TRPA1: variants seen among roughly 807,000 people sequenced by gnomAD.
TRPA1 encodes the protein transient receptor potential cation channel subfamily A member 1, also known as ankyrin-like with transmembrane domains 1.
A neutral mutation model predicts 131.3 loss-of-function variants in TRPA1; 129 were observed. That is an observed-to-expected ratio of 0.98 (90% CI 0.85 to 1.14). TRPA1 has a LOEUF of 1.14. Among genes scored for constraint, TRPA1 ranks in the 50% most tolerant of loss-of-function variants. The probability of loss-of-function intolerance (pLI) is 0.00; values close to 1 mark genes in which losing one functional copy is unlikely to be tolerated. For synonymous variants in TRPA1, 441 were observed against 451.7 expected, an observed-to-expected ratio of 0.98 and a Z score of 0.30; for missense variants, 1,304 against 1,354.2, an observed-to-expected ratio of 0.96 and a Z score of 0.58.
At position 72,038,039 on chromosome 8, in the gene TRPA1, C is replaced by T. The variant is rs1180653718; in HGVS notation, c.2329G>A (p.Val777Met). The T allele has an allele frequency of 6.3e-7, 1 of 1,597,694 alleles. No individual in the cohort carries two copies. Among genetic ancestry groups the T allele is most frequent in the South Asian group, 1.1e-5 (1 of 90,392 alleles). The change falls in exon 20 of 27, where the codon GTG becomes ATG. Residue 777 changes from valine (V) to methionine (M), a missense_variant. Val to Met is a conservative substitution (Grantham distance 21). Coordinates refer to ENST00000262209, the MANE Select transcript of TRPA1 (RefSeq NM_007332.3). ...SYLIKTCMIL[V>M]FLSSIFGYCK... ...TACCCAAATATACTTGATAAAAACA[C>T]TAAAATCATACAAGTTTTTATTAGA...
chr8:72,035,072 C>G lies in TRPA1; in HGVS notation c.2556-695G>C, dbSNP rs77931543. Among the ~76,000 whole-genome samples, 659 of 152,298 alleles carry G rather than the reference C, an allele frequency of 4.3e-3. 2 individuals carry two copies. The highest frequency in any genetic ancestry group is 9.1e-3 in the South Asian group (44 of 4,830). On this transcript the variant is annotated intron_variant, in intron 21 of 26. Coordinates refer to ENST00000262209, the MANE Select transcript of TRPA1 (RefSeq NM_007332.3). ...GATTTGCATTTTATCCTCACCATCT[C>G]CTTCGGTTTTCTTTTCTACCCCCTG...
intron 8 of TRPA1, 137 bp downstream of exon 8, chr8:72,059,253 A>G (rs1805748249): frequency 1.6e-6 from 1 of 630,332 alleles, no homozygotes; most frequent in African/African-American, 1.9e-5. Context: ...AAGTATGTCA[A>G]TCATCATTTT....
At chr8:72,077,531 C>G (rs1376217151), upstream of TRPA1, among the ~76,000 whole-genome samples, 1 of 151,968 alleles carries the variant, frequency 6.6e-6, no homozygotes, top group South Asian at 2.1e-4. Context: ...GATTTTTTTC[C>G]TGCTTTCTGC....
At chr8:72,074,315 G>A (rs541814890) in intron 1 of TRPA1, among the ~76,000 whole-genome samples, 2 of 152,322 alleles carry the variant, frequency 1.3e-5, no homozygotes, top group Admixed American at 6.5e-5. Flanking sequence ...AAATCTACAA[G>A]TGCCAATTTG....
chr8:72,039,682 T>G, intron 18 of TRPA1, 45 bp downstream of exon 18: 1 of 1,184,144 alleles, frequency 8.4e-7, no homozygotes, highest in Admixed American at 1.7e-5. Context: ...TTGTAATAGA[T>G]CCAATAGACA....
intron 17 of TRPA1, among the ~76,000 whole-genome samples, chr8:72,043,199 A>T (rs1319062350): frequency 6.6e-6 from 1 of 151,800 alleles, no homozygotes. Context: ...TAGTATCATC[A>T]TTGCTTACTT....
rs1811434836 is a variant in TRPA1, at chr8:72,022,619, T to C, written c.*287A>G. The C allele has an allele frequency of 2.0e-6, 1 of 490,718 alleles. No individual in the cohort carries two copies. The allele number at this position is 490,718 out of a possible 1,614,324, so 30.4% of individuals were successfully genotyped here. ...TTATTACTTCTTTTCATTAAAAATG[T>C]GTGTTCTAGCAAATTCATTTTCTAC... On this transcript the variant is annotated 3_prime_UTR_variant, in exon 27 of 27. Coordinates refer to ENST00000262209, the MANE Select transcript of TRPA1 (RefSeq NM_007332.3).
chr8:72,084,567 T>A, the TRPA1 span, among the ~76,000 whole-genome samples: 1 of 151,932 alleles, frequency 6.6e-6, no homozygotes, highest in African/African-American at 2.4e-5. Context: ...GAGAATTGAT[T>A]TTGAAGTTTT....
chr8:72,069,504 T>A (rs1806008590), intron 2 of TRPA1, among the ~76,000 whole-genome samples: 1 of 152,170 alleles, frequency 6.6e-6, no homozygotes, highest in Non-Finnish European at 1.5e-5. Flanking sequence ...AATAAAATAT[T>A]GGGATTATAT....
At chr8:72,053,433 C>A (rs1000227712) in intron 13 of TRPA1, 4 of 387,982 alleles carry the variant, frequency 1.0e-5, no homozygotes, top group Non-Finnish European at 2.0e-5. Context: ...TAACACTTAT[C>A]TTAATGAAAA....
chr8:72,048,665 T>C (rs183167968), intron 15 of TRPA1, among the ~76,000 whole-genome samples: 212 of 152,266 alleles, frequency 1.4e-3, no homozygotes, highest in African/African-American at 4.9e-3. Context: ...AAATGTTGTA[T>C]AAGTATTTCA....
At chr8:72,081,689 A>G in the TRPA1 span, among the ~76,000 whole-genome samples, 1 of 151,812 alleles carries the variant, frequency 6.6e-6, no homozygotes, top group Non-Finnish European at 1.5e-5. Context: ...TCTTAGATGC[A>G]TACTTATAAT....
upstream of TRPA1, among the ~76,000 whole-genome samples, chr8:72,075,854 A>ATGTGTG (rs1283812692): frequency 1.2e-5 from 1 of 83,254 alleles, no homozygotes; most frequent in African/African-American, 4.5e-5. Context: ...CCAACCTTGC[A>ATGTGTG]TGTGAGTGTG....
At position 72,056,972 on chromosome 8, in the gene TRPA1, T is replaced by G; in HGVS notation, c.1139A>C (p.His380Pro). The G allele has an allele frequency of 6.2e-7, 1 of 1,609,818 alleles. No homozygotes were observed. Among genetic ancestry groups the G allele is most frequent in the Non-Finnish European group, 8.5e-7 (1 of 1,178,188 alleles). Residue 380 changes from histidine (H) to proline (P), a missense_variant, in exon 10 of 27, where the codon CAT (histidine) becomes CCT (proline). His to Pro is a moderately conservative substitution (Grantham distance 77). Transcript: ENST00000262209. ...IKDNFGRNFL[H>P]LTVQQPYGLK... ...TCCATAAGGTTGCTGTACAGTTAAA[T>G]GCAGAAAATTACGTCCAAAATTATC...
upstream of TRPA1, among the ~76,000 whole-genome samples, chr8:72,077,837 A>T (rs1806218963): frequency 6.6e-6 from 1 of 152,128 alleles, no homozygotes; most frequent in African/African-American, 2.4e-5. Flanking sequence ...ATTTCATTTG[A>T]AGTTTATTGA....
In TRPA1 at chr8:72,061,691, G is replaced by A. The variant is rs141174965; in HGVS notation, c.878C>T (p.Ser293Leu). 55 of 1,613,906 alleles carry A rather than the reference G, an allele frequency of 3.4e-5. 1 individual carries two copies. The highest frequency in any genetic ancestry group is 3.3e-4 in the Middle Eastern group (2 of 6,082). The change falls in exon 7 of 27, where the codon TCG becomes TTG. Residue 293 changes from serine to leucine, a missense_variant. Physicochemically the swap from Ser to Leu is moderately radical, Grantham distance 145. Transcript: ENST00000262209. ...AATATCCACGCTACCAGAATAGGAC[G>A]ATATCATCAGTTTAACAATCTCAGT... ...GATEIVKLMI[S>L]SYSGSVDIVN... is the part of the protein sequence containing the mutation.
chr8:72,042,146 A>G (rs71517470), intron 17 of TRPA1, among the ~76,000 whole-genome samples: 12,925 of 151,906 alleles, frequency 0.085, 630 homozygotes, highest in Middle Eastern at 0.12. Context: ...TAAATCATAT[A>G]TCTTATAAGG....
chr8:72,023,995 C>A (rs904192527), intron 25 of TRPA1, 84 bp from the exon 26 acceptor site: 5 of 887,948 alleles, frequency 5.6e-6, no homozygotes, highest in Non-Finnish European at 9.6e-6. Context: ...TCAACCACCA[C>A]TGGTACCAAT....
rs1246953251 is a variant in TRPA1 at position 72,021,889 on chromosome 8, T to C, written c.*1017A>G. 1 of 152,156 alleles carries C rather than the reference T, an allele frequency of 6.6e-6. No individual in the cohort carries two copies. Among genetic ancestry groups the C allele is most frequent in the Non-Finnish European group, 1.5e-5 (1 of 68,010 alleles). 9.4% of individuals were successfully genotyped at this position (152,156 alleles called of 1,614,324 possible). A position where few individuals can be genotyped will look rare whatever the true frequency, so the allele number is the denominator to read the frequency against. ...GAAGCAAAAACAGAAATAGAAGCTATAGCATAATAACATCTGTGTAAATAA... is the reference window on the plus strand; with the variant it reads ...GAAGCAAAAACAGAAATAGAAGCTACAGCATAATAACATCTGTGTAAATAA... On this transcript the variant is annotated 3_prime_UTR_variant, in exon 27 of 27. Transcript: ENST00000262209.
Sources: gnomAD v4.1 joint callset for allele counts (sites outside exome capture counted in the v4.1 genomes callset) on GRCh38, gnomAD v4.1.1 for gene constraint, MANE v1.5 for transcripts, NCBI Gene and HGNC (gene_info 2026-07-23, HGNC 2026-07-21) for gene names.